SASH1: variants seen among roughly 807,000 people sequenced by gnomAD.
SASH1 encodes SAM and SH3 domain containing 1.
Under a neutral mutation model 125.2 loss-of-function variants are expected in SASH1, and 44 were observed. The observed-to-expected ratio is 0.35, with a 90% CI of 0.28 to 0.45. SASH1 has a LOEUF of 0.45. SASH1 is among the 20% of genes least tolerant of loss of function. SASH1 has a pLI of 1.00. For synonymous variants in SASH1, 639 were observed against 649.1 expected (o/e 0.98, Z 0.24); for missense variants, 1,426 against 1,614.5 (o/e 0.88, Z 2.00).
chr6:148,346,311 T>A (rs1421757628), intron 1 of SASH1, among the ~76,000 whole-genome samples: 1 of 152,200 alleles, frequency 6.6e-6, no homozygotes, highest in African/African-American at 2.4e-5. Context: ...ATTAATTCAG[T>A]CCATGCACAG....
At chr6:148,323,402 A>C (rs1780706657) in intron 1 of SASH1, among the ~76,000 whole-genome samples, 1 of 152,194 alleles carries the variant, frequency 6.6e-6, no homozygotes, top group African/African-American at 2.4e-5. Context: ...GGACACCTGT[A>C]CTTTTTTAAA....
chr6:148,401,872 CTG>C (rs1239820922), intron 2 of SASH1, among the ~76,000 whole-genome samples: 1 of 152,100 alleles, frequency 6.6e-6, no homozygotes, highest in Non-Finnish European at 1.5e-5. Context: ...AGATTTTCAT[CTG>C]TGATTTCAAA....
At chr6:148,414,356 A>G (rs916051935) in intron 2 of SASH1, among the ~76,000 whole-genome samples, 3 of 151,926 alleles carry the variant, frequency 2.0e-5, no homozygotes, top group African/African-American at 7.3e-5. Context: ...ATGGTTCAGG[A>G]TGAGGGCGAG....
chr6:148,525,826 T>C (rs566630130), intron 11 of SASH1, among the ~76,000 whole-genome samples: 1 of 152,234 alleles, frequency 6.6e-6, no homozygotes, highest in East Asian at 1.9e-4. Flanking sequence ...CCACATGGCC[T>C]ATACTAAGCC....
At position 148,529,481 on chromosome 6, in the gene SASH1, GCAGT is replaced by G. The variant is rs1252193999; in HGVS notation, c.1428+1889_1428+1892del. On this transcript the variant is annotated intron_variant, in intron 12 of 19. Coordinates refer to ENST00000367467, the MANE Select transcript of SASH1 (RefSeq NM_015278.5). The surrounding 1 kb of genome is among the most constrained non-coding windows in gnomAD (Gnocchi z 4.2). ...TTCTATATTTCTTCCCAGCAATGAA[GCAGT>G]CAGCATGCTAGTGAGAGCATGCTAC... Among the ~76,000 whole-genome samples, 1 of 152,144 alleles carries G rather than the reference GCAGT, an allele frequency of 6.6e-6. No individual in the cohort carries two copies. Among genetic ancestry groups the G allele is most frequent in the Non-Finnish European group, 1.5e-5 (1 of 68,036 alleles).
intron 1 of SASH1, among the ~76,000 whole-genome samples, chr6:148,314,066 A>G (rs1473443576): frequency 1.3e-5 from 2 of 152,232 alleles, no homozygotes; most frequent in East Asian, 3.9e-4. Context: ...GACATGGTCT[A>G]GAGAGAAAAC....
intron 2 of SASH1, among the ~76,000 whole-genome samples, chr6:148,400,545 T>C (rs1275510192): frequency 6.6e-6 from 1 of 151,802 alleles, no homozygotes; most frequent in Non-Finnish European, 1.5e-5. Context: ...AGCCTAGGAG[T>C]TTGAGACCAG....
the SASH1 span, among the ~76,000 whole-genome samples, chr6:148,241,040 C>T: frequency 6.6e-6 from 1 of 152,090 alleles, no homozygotes; most frequent in Non-Finnish European, 1.5e-5. Flanking sequence ...TCTTCACAGA[C>T]CTATTTTTGG....
chr6:148,449,548 C>T (rs535478163), intron 4 of SASH1, among the ~76,000 whole-genome samples: 62 of 151,962 alleles, frequency 4.1e-4, no homozygotes, highest in Admixed American at 2.1e-3. Context: ...CCACCATGCC[C>T]GGCTAATTTT....
chr6:148,211,472 G>A, the SASH1 span, among the ~76,000 whole-genome samples: 1 of 152,072 alleles, frequency 6.6e-6, no homozygotes, highest in East Asian at 1.9e-4. Flanking sequence ...TTGGGAGGCT[G>A]AGACAGGAGA....
intron 7 of SASH1, among the ~76,000 whole-genome samples, chr6:148,474,818 C>T (rs570332400): frequency 2.0e-5 from 3 of 152,272 alleles, no homozygotes; most frequent in East Asian, 3.9e-4. Flanking sequence ...GTGATCCTCT[C>T]ACCTCGGCCT....
At chr6:148,306,227 G>A (rs1359437538) in intron 1 of SASH1, among the ~76,000 whole-genome samples, 4 of 152,098 alleles carry the variant, frequency 2.6e-5, no homozygotes, top group African/African-American at 7.2e-5. Context: ...CTTTCCACTC[G>A]CTTGTTCTCT....
chr6:148,445,162 T>G (rs753417814), intron 4 of SASH1, among the ~76,000 whole-genome samples: 2 of 152,204 alleles, frequency 1.3e-5, no homozygotes, highest in Non-Finnish European at 2.9e-5. Context: ...TCTTCTTTAC[T>G]GCATCCTGTT....
intron 1 of SASH1, among the ~76,000 whole-genome samples, chr6:148,369,568 C>T (rs1782626210): frequency 6.6e-6 from 1 of 152,038 alleles, no homozygotes; most frequent in Admixed American, 6.6e-5. Context: ...TACCTCTCTC[C>T]AAGACACAAA....
intron 16 of SASH1, among the ~76,000 whole-genome samples, chr6:148,535,815 C>T (rs774551299): frequency 3.3e-5 from 5 of 152,180 alleles, no homozygotes; most frequent in Non-Finnish European, 7.4e-5. Flanking sequence ...AAGGACTCTG[C>T]TTCAGGGATA....
intron 2 of SASH1, among the ~76,000 whole-genome samples, chr6:148,392,072 G>A (rs1664011712): frequency 6.6e-6 from 1 of 152,122 alleles, no homozygotes; most frequent in African/African-American, 2.4e-5. Context: ...ATCACTTGAG[G>A]TCGGGAGTTC....
At chr6:148,233,918 A>C in the SASH1 span, among the ~76,000 whole-genome samples, 2 of 151,828 alleles carry the variant, frequency 1.3e-5, no homozygotes. Flanking sequence ...GTTTCCAAAA[A>C]AAAAAAACTA....
Position 148,527,575 on chromosome 6 carries a change from C to T in SASH1, c.1407C>T (p.Tyr469=), listed in dbSNP as rs1274581474. 4 of 1,610,262 alleles carry T rather than the reference C, an allele frequency of 2.5e-6. No homozygotes were observed. The highest frequency in any genetic ancestry group is 2.2e-5 in the East Asian group (1 of 44,722). ...ETMRKRMSKK[Y]SSSVSEQDSG... is the part of the protein sequence containing the mutation. ...TGAGAAAGAGAATGTCTAAAAAATA[C>T]AGCAGCTCTGTCTCTGAGCAGGTAT... is the stretch of plus-strand genomic sequence containing the variant. Residue 469 remains tyrosine (Y), a synonymous_variant, in exon 12 of 20, where the codon TAC becomes TAT. Transcript: ENST00000367467.
intron 2 of SASH1, among the ~76,000 whole-genome samples, chr6:148,409,194 G>C (rs181419612): frequency 1.6e-4 from 25 of 152,286 alleles, no homozygotes; most frequent in Admixed American, 1.6e-3. Context: ...TAAGCATCTG[G>C]ATGGCTGGGT....
Sources: gnomAD v4.1 joint callset for allele counts (sites outside exome capture counted in the v4.1 genomes callset) on GRCh38, gnomAD v4.1.1 for gene constraint, Gnocchi (gnomAD v3.1) non-coding constraint, MANE v1.5 for transcripts, NCBI Gene and HGNC (gene_info 2026-07-23, HGNC 2026-07-21) for gene names.